UNKL: variants seen among roughly 807,000 people sequenced by gnomAD.
The protein encoded by UNKL is unk like zinc finger.
In UNKL, 60 loss-of-function variants were observed where a neutral mutation model predicts 78.0. The observed-to-expected ratio is 0.77, with a 90% CI of 0.63 to 0.95. The LOEUF (loss-of-function observed/expected upper bound fraction) is 0.95. Among genes scored for constraint, UNKL ranks in the 40% least tolerant of loss-of-function variants. The pLI, the probability that UNKL is intolerant of heterozygous loss-of-function variation, is 0.00. For synonymous variants in UNKL, 608 were observed against 474.8 expected (o/e 1.28, Z -3.65); for missense variants, 1,159 against 1,045.7 (o/e 1.11, Z -1.49).
Position 1,398,337 on chromosome 16 carries a change from T to C in UNKL, c.734+1037A>G, listed in dbSNP as rs114157615. On this transcript the variant is annotated intron_variant, in intron 5 of 14. Transcript: ENST00000389221. ...TCTAGCTGCTTTATTGTAACTGATT[T>C]GTATTTATGGGACACATTAAGTGCC... The C allele has an allele frequency of 7.6e-4, 764 of 1,007,780 alleles. 6 individuals carry two copies. The African/African-American group carries it at 0.012, about 16-fold the overall frequency. The allele number at this position is 1,007,780 out of a possible 1,614,324, so 62.4% of individuals were successfully genotyped here. A position where few individuals can be genotyped will look rare whatever the true frequency, so the allele number is the denominator to read the frequency against.
chr16:1,380,434 G>A (rs1485417497), intron 10 of UNKL, among the ~76,000 whole-genome samples: 1 of 152,194 alleles, frequency 6.6e-6, no homozygotes, highest in Non-Finnish European at 1.5e-5. Flanking sequence ...TGGGGCGCAG[G>A]AGTGCCCTGG....
chr16:1,395,832 T>C, intron 6 of UNKL: 1 of 441,266 alleles, frequency 2.3e-6, no homozygotes. Flanking sequence ...CCATTGAGTG[T>C]GTGGTCACCG....
At chr16:1,398,638 C>T in intron 5 of UNKL, 1 of 1,442,196 alleles carries the variant, frequency 6.9e-7, no homozygotes, top group Non-Finnish European at 9.1e-7. Context: ...CTCAGGGAGG[C>T]CAAGGCCATG....
intron 8 of UNKL, 59 bp from the exon 9 acceptor site, chr16:1,390,753 C>T (rs548888114): frequency 6.6e-7 from 1 of 1,524,484 alleles, no homozygotes; most frequent in Non-Finnish European, 8.8e-7. Context: ...AAATTAAAAA[C>T]ATACAATTCA....
intron 12 of UNKL, among the ~76,000 whole-genome samples, chr16:1,369,152 C>T (rs1317198347): frequency 6.8e-6 from 1 of 146,958 alleles, no homozygotes; most frequent in African/African-American, 2.5e-5. Flanking sequence ...TCACTGCGAC[C>T]TCCGACTCCC....
Position 1,403,262 on chromosome 16 carries a change from C to T in UNKL, c.370G>A (p.Glu124Lys), listed in dbSNP as rs995973440. The change falls in exon 3 of 15, where the codon GAG becomes AAG. Residue 124 changes from glutamate (E) to lysine (K), a missense_variant. Coordinates refer to ENST00000389221, the MANE Select transcript of UNKL (RefSeq NM_001372107.1). The surrounding 1 kb of genome is among the most constrained non-coding windows in gnomAD (Gnocchi z 4.8). Reference protein sequence around the residue: ...RYYKTGTCIHETDARGHCVKN... With the variant: ...RYYKTGTCIHKTDARGHCVKN... ...ACGCAGTGGCCACGTGCGTCTGTCT[C>T]GTGGATGCAGGTTCCTGTTTTGTAG... The T allele has an allele frequency of 6.2e-7, 1 of 1,614,208 alleles. No homozygotes were observed. The highest frequency in any genetic ancestry group is 8.5e-7 in the Non-Finnish European group (1 of 1,180,038).
chr16:1,385,307 T>C lies in UNKL; in HGVS notation c.1165A>G (p.Ser389Gly). Residue 389 changes from serine (S) to glycine (G), a missense_variant, in exon 10 of 15, where the codon AGC becomes GGC. Transcript: ENST00000389221. ...SSSVASSLAS[S>G]AGSGSSSPTA... is the part of the protein sequence containing the mutation. ...GGGGAGGAGCTGCCGGAGCCGGCGC[T>C]GGACGCCAGGCTGGACGCCACGCTG... 7.2e-7 allele frequency: 1 copy of C among 1,397,114 alleles called. No homozygotes were observed. Among genetic ancestry groups the C allele is most frequent in the Non-Finnish European group, 9.3e-7 (1 of 1,080,886 alleles). The allele number at this position is 1,397,114 out of a possible 1,614,324, so 86.5% of individuals were successfully genotyped here.
chr16:1,405,247 A>G (rs1596762915), intron 2 of UNKL, among the ~76,000 whole-genome samples: 2 of 126,338 alleles, frequency 1.6e-5, no homozygotes, highest in African/African-American at 3.0e-5. Flanking sequence ...GAAGGGAGGG[A>G]GGGAGAGGAA....
chr16:1,367,189 G>T lies in UNKL; in HGVS notation c.1949C>A (p.Pro650Gln), dbSNP rs761276866. The T allele has an allele frequency of 2.5e-6, 4 of 1,605,886 alleles. No homozygotes were observed. Among genetic ancestry groups the T allele is most frequent in the African/African-American group, 1.3e-5 (1 of 74,780 alleles). The change falls in exon 14 of 15, where the codon CCG becomes CAG. Residue 650 changes from proline to glutamine, a missense_variant. Physicochemically the swap from Pro to Gln is moderately conservative, Grantham distance 76. Transcript: ENST00000389221. ...GATGTCCCCACAGCCCCGCAGCCCC[G>T]GCAGTGTGGAGGCTACGCCCAGGCC... ...LEGLGVASTLPGLRGCGDIGT... is the reference protein window; with the variant it reads ...LEGLGVASTLQGLRGCGDIGT...
At chr16:1,408,280 G>C (rs916503625) in intron 2 of UNKL, among the ~76,000 whole-genome samples, 3 of 152,236 alleles carry the variant, frequency 2.0e-5, no homozygotes, top group African/African-American at 7.2e-5. Context: ...CCAACGACCA[G>C]GACGGTTCCC....
At chr16:1,402,694 A>G (rs1041887574) in intron 3 of UNKL, among the ~76,000 whole-genome samples, 2 of 150,940 alleles carry the variant, frequency 1.3e-5, no homozygotes, top group South Asian at 2.1e-4. Context: ...AAAGAAAGAA[A>G]TAACATCCAG....
At chr16:1,381,849 G>A (rs1567216055) in intron 10 of UNKL, among the ~76,000 whole-genome samples, 1 of 152,228 alleles carries the variant, frequency 6.6e-6, no homozygotes, top group Non-Finnish European at 1.5e-5. Flanking sequence ...AGAGGCTGAT[G>A]CAGAAGCATC....
intron 2 of UNKL, among the ~76,000 whole-genome samples, chr16:1,408,121 A>C (rs2037852260): frequency 6.6e-6 from 1 of 152,210 alleles, no homozygotes; most frequent in Non-Finnish European, 1.5e-5. Flanking sequence ...AAAACAAAAA[A>C]AAGATGGACC....
chr16:1,401,733 T>G (rs961509403), intron 3 of UNKL, 32 bp from the exon 4 acceptor site: 2 of 1,587,704 alleles, frequency 1.3e-6, no homozygotes, highest in African/African-American at 2.7e-5. Context: ...GTCACAGCTC[T>G]GCATCTGGAG....
chr16:1,399,424 G>A lies in UNKL; in HGVS notation c.684C>T (p.His228=). ...RLCRQGYACP[H]YHNSRDRRRN... ...GCCGCCTGTCCCGGCTATTGTGGTA[G>A]TGTGGGCACGCATAGCCCTGGCGGC... Residue 228 remains histidine (H), a synonymous_variant, in exon 5 of 15, where the codon CAC becomes CAT. Transcript: ENST00000389221. This position sits in a 1 kb window ranked among gnomAD's most constrained non-coding sequence, Gnocchi z 5.8. 5 of 1,606,346 alleles carry A rather than the reference G, an allele frequency of 3.1e-6. No homozygotes were observed. Among genetic ancestry groups the A allele is most frequent in the Non-Finnish European group, 4.2e-6 (5 of 1,176,962 alleles).
At chr16:1,398,819 C>A in intron 5 of UNKL, 1 of 1,554,704 alleles carries the variant, frequency 6.4e-7, no homozygotes. Flanking sequence ...ACCCACAAGC[C>A]AGACCCAGGG....
rs372474446 is a variant in UNKL, at chr16:1,367,068, C to G, written c.2046+24G>C. 2,054 of 1,502,294 alleles carry G rather than the reference C, an allele frequency of 1.4e-3. 4 individuals are homozygous for G. The highest frequency in any genetic ancestry group is 4.1e-3 in the Middle Eastern group (22 of 5,334). The allele number at this position is 1,502,294 out of a possible 1,614,324, so 93.1% of individuals were successfully genotyped here. A position where few individuals can be genotyped will look rare whatever the true frequency, so the allele number is the denominator to read the frequency against. On this transcript the variant is annotated intron_variant, in intron 14 of 14. Transcript: ENST00000389221. The stretch of plus-strand genomic sequence containing the variant: ...CAGCCCTGCAGGCAGGCTGGCCCCT[C>G]ACCCTGCCCAGAGCAGGACTCACGC...
At position 1,364,079 on chromosome 16, in the gene UNKL, C is replaced by T. The variant is rs1325260319; in HGVS notation, c.*2161G>A. 2 of 152,206 alleles carry T rather than the reference C, an allele frequency of 1.3e-5. No individual in the cohort carries two copies. Among genetic ancestry groups the T allele is most frequent in the Non-Finnish European group, 2.9e-5 (2 of 68,040 alleles). The allele number at this position is 152,206 out of a possible 1,614,324, so 9.4% of individuals were successfully genotyped here. The stretch of plus-strand genomic sequence containing the variant: ...AGAGGCTCCAAATGGGAACCAAGTG[C>T]ATAAATACAAATAAAAACAGAGTTT... On this transcript the variant is annotated 3_prime_UTR_variant, in exon 15 of 15. Transcript: ENST00000389221.
At chr16:1,407,041 C>T (rs995964447) in intron 2 of UNKL, among the ~76,000 whole-genome samples, 4 of 151,392 alleles carry the variant, frequency 2.6e-5, no homozygotes, top group South Asian at 2.1e-4. Context: ...CCCAGCTACT[C>T]GGGAGGTTGA....
Sources: gnomAD v4.1 joint callset for allele counts (sites outside exome capture counted in the v4.1 genomes callset) on GRCh38, gnomAD v4.1.1 for gene constraint, Gnocchi (gnomAD v3.1) non-coding constraint, MANE v1.5 for transcripts, NCBI Gene and HGNC (gene_info 2026-07-23, HGNC 2026-07-21) for gene names.